The following ADAMTS20 variants were observed in gnomAD, a reference collection of about 807,000 sequenced individuals.
ADAMTS20 encodes the protein ADAM metallopeptidase with thrombospondin type 1 motif 20, also known as A disintegrin and metalloproteinase with thrombospondin motifs 20.
A neutral mutation model predicts 260.1 loss-of-function variants in ADAMTS20; 225 were observed. That is an observed-to-expected ratio of 0.87 (90% CI 0.78 to 0.97). ADAMTS20 has a LOEUF of 0.97. ADAMTS20 is among the 50% of genes least tolerant of loss of function. The pLI, the probability that ADAMTS20 is intolerant of heterozygous loss-of-function variation, is 0.00. For synonymous variants in ADAMTS20, 802 were observed against 769.5 expected, an observed-to-expected ratio of 1.04 and a Z score of -0.70; for missense variants, 2,400 against 2,337.7, an observed-to-expected ratio of 1.03 and a Z score of -0.55.
chr12:43,404,660 T>G (rs900264300), intron 28 of ADAMTS20, among the ~76,000 whole-genome samples: 1 of 152,186 alleles, frequency 6.6e-6, no homozygotes, highest in African/African-American at 2.4e-5. Context: ...TTTGTTTTTA[T>G]GTTAATCATC....
chr12:43,549,566 A>G (rs1490083255), intron 2 of ADAMTS20, among the ~76,000 whole-genome samples: 1 of 152,186 alleles, frequency 6.6e-6, no homozygotes, highest in Non-Finnish European at 1.5e-5. Context: ...CTTTTCCATG[A>G]GAAAACATAA....
chr12:43,503,799 G>A (rs1261406606), intron 3 of ADAMTS20, among the ~76,000 whole-genome samples: 1 of 152,106 alleles, frequency 6.6e-6, no homozygotes. Context: ...CCACATACAA[G>A]TGAGAACATG....
At chr12:43,393,217 T>A (rs1940631417) in intron 29 of ADAMTS20, among the ~76,000 whole-genome samples, 1 of 152,066 alleles carries the variant, frequency 6.6e-6, no homozygotes, top group East Asian at 1.9e-4. Flanking sequence ...TTAATATGTA[T>A]CCATTATTTT....
rs74084005 is a variant in ADAMTS20 at position 43,516,330 on chromosome 12, G to C, written c.614-13925C>G. 3.9e-3 allele frequency among the ~76,000 whole-genome samples: 593 copies of C among 152,198 alleles called. 9 individuals carry two copies. Among genetic ancestry groups the C allele is most frequent in the African/African-American group, 0.013 (548 of 41,524 alleles). ...TTTAAAAATAGGGCTGCTTCTGAAT[G>C]GTGCAATTCTGAATCAGATTCTAAT... On this transcript the variant is annotated intron_variant, in intron 3 of 38. Coordinates refer to ENST00000389420, the MANE Select transcript of ADAMTS20 (RefSeq NM_025003.5).
chr12:43,398,412 CTTCATTTTTGCTGAGTCTT>C (rs1219493313), intron 29 of ADAMTS20, among the ~76,000 whole-genome samples: 3 of 152,072 alleles, frequency 2.0e-5, no homozygotes, highest in African/African-American at 7.2e-5. Context: ...TATTTATCAG[CTTCATTTTTGCTGAGTCTT>C]TTCATTTTTG....
chr12:43,513,611 C>T (rs1046240484), intron 3 of ADAMTS20, among the ~76,000 whole-genome samples: 40 of 152,076 alleles, frequency 2.6e-4, no homozygotes, highest in African/African-American at 8.7e-4. Flanking sequence ...CACATGTACA[C>T]GTATGTTTAT....
Position 43,452,361 on chromosome 12 carries a change from A to G in ADAMTS20, c.1992T>C (p.Asn664=). Residue 664 remains asparagine (N), a synonymous_variant, in exon 14 of 39, where the codon AAT becomes AAC. Coordinates refer to ENST00000389420, the MANE Select transcript of ADAMTS20 (RefSeq NM_025003.5). The part of the protein sequence containing the change: ...CKLYCQVAGT[N]YFYLLKDMVE... ...CCATATCCTTCAATAGGTAGAAATA[A>G]TTGGTTCCAGCAACCTGACAATAGA... 6.2e-7 allele frequency: 1 copy of G among 1,613,432 alleles called. No individual in the cohort carries two copies. Among genetic ancestry groups the G allele is most frequent in the South Asian group, 1.1e-5 (1 of 91,024 alleles).
At chr12:43,546,578 G>A (rs758743449) in intron 2 of ADAMTS20, among the ~76,000 whole-genome samples, 2 of 152,122 alleles carry the variant, frequency 1.3e-5, no homozygotes, top group African/African-American at 2.4e-5. Context: ...ATTAAATACT[G>A]ATCTCTAAAT....
chr12:43,417,922 T>C (rs376093262), intron 28 of ADAMTS20, among the ~76,000 whole-genome samples: 10 of 152,162 alleles, frequency 6.6e-5, no homozygotes, highest in African/African-American at 9.7e-5. Flanking sequence ...GAGGAAGATA[T>C]ATGAACTCTA....
At chr12:43,513,904 C>A (rs1457151781) in intron 3 of ADAMTS20, among the ~76,000 whole-genome samples, 1 of 135,404 alleles carries the variant, frequency 7.4e-6, no homozygotes, top group Non-Finnish European at 1.6e-5. Flanking sequence ...CACCCCCAGG[C>A]CTGTTGCGGG....
At chr12:43,550,799 C>T in intron 2 of ADAMTS20, 110 bp downstream of exon 2, 1 of 1,411,848 alleles carries the variant, frequency 7.1e-7, no homozygotes, top group Non-Finnish European at 9.3e-7. Flanking sequence ...TGTAGCCCAA[C>T]CTGAACTCCA....
intron 7 of ADAMTS20, among the ~76,000 whole-genome samples, chr12:43,469,366 T>C (rs1277914938): frequency 1.3e-5 from 2 of 152,108 alleles, no homozygotes; most frequent in Non-Finnish European, 2.9e-5. Context: ...AACTCAAATG[T>C]GCTGTTGAAA....
chr12:43,423,548 T>C, intron 28 of ADAMTS20: 1 of 592,978 alleles, frequency 1.7e-6, no homozygotes, highest in South Asian at 2.1e-5. Flanking sequence ...CTCTCCTAAT[T>C]GGGAAAAAAT....
chr12:43,382,795 A>T (rs1940382552), intron 31 of ADAMTS20, among the ~76,000 whole-genome samples: 1 of 151,646 alleles, frequency 6.6e-6, no homozygotes, highest in South Asian at 2.1e-4. Flanking sequence ...CTGAAATTAA[A>T]CCTCTAAAGA....
At chr12:43,370,881 C>T (rs1940092857) in intron 36 of ADAMTS20, among the ~76,000 whole-genome samples, 2 of 152,282 alleles carry the variant, frequency 1.3e-5, no homozygotes, top group African/African-American at 4.8e-5. Flanking sequence ...AATAGGTATC[C>T]TAACCCATGT....
chr12:43,374,175 T>C (rs1211173042), intron 36 of ADAMTS20, among the ~76,000 whole-genome samples: 1 of 152,152 alleles, frequency 6.6e-6, no homozygotes, highest in African/African-American at 2.4e-5. Flanking sequence ...ATTGTAACCA[T>C]AGTAATATAA....
At chr12:43,358,925 TAATA>T (rs764006837) in intron 37 of ADAMTS20, among the ~76,000 whole-genome samples, 17 of 147,320 alleles carry the variant, frequency 1.2e-4, no homozygotes, top group Non-Finnish European at 2.2e-4. Context: ...ATTTTAGAAG[TAATA>T]AATAAGTGAG....
chr12:43,499,696 G>A (rs1198380651), intron 4 of ADAMTS20, among the ~76,000 whole-genome samples: 1 of 151,890 alleles, frequency 6.6e-6, no homozygotes, highest in Non-Finnish European at 1.5e-5. Flanking sequence ...GTAGAGACAG[G>A]GTTTCACCAT....
chr12:43,399,985 C>T (rs938167365), intron 28 of ADAMTS20, among the ~76,000 whole-genome samples: 1 of 152,008 alleles, frequency 6.6e-6, no homozygotes, highest in Non-Finnish European at 1.5e-5. Flanking sequence ...CATTTCATAA[C>T]CTGTCCAAGT....
Sources: allele counts gnomAD v4.1 joint callset (sites outside exome capture counted in the v4.1 genomes callset), GRCh38; gene constraint gnomAD v4.1.1; transcripts MANE v1.5; gene names NCBI Gene and HGNC (gene_info 2026-07-23, HGNC 2026-07-21).